The following CFAP251 variants were observed in gnomAD, a reference collection of about 807,000 sequenced individuals.
CFAP251 encodes cilia and flagella associated protein 251, also known as cilia- and flagella-associated protein 251.
CFAP251 carries 93 observed loss-of-function variants against 126.7 expected under a neutral mutation model. The observed-to-expected ratio is 0.73, with a 90% confidence interval of 0.62 to 0.87. CFAP251 has a LOEUF of 0.87. Among genes scored for constraint, CFAP251 ranks in the 40% least tolerant of loss-of-function variants. The pLI is 0.00. For missense variants in CFAP251, 1,287 were observed against 1,389.2 expected (o/e 0.93, Z 1.17); for synonymous variants, 503 against 506.9 (o/e 0.99, Z 0.10).
chr12:121,939,922 C>T (rs148079707), intron 5 of CFAP251, among the ~76,000 whole-genome samples: 127 of 152,272 alleles, frequency 8.3e-4, no homozygotes, highest in African/African-American at 2.9e-3. Context: ...TGTAAAACTG[C>T]ATTTCAATAT....
chr12:121,974,424 G>A lies in CFAP251; in HGVS notation c.2772-820G>A, dbSNP rs1252884867. 6.6e-6 allele frequency among the ~76,000 whole-genome samples: 1 copy of A among 152,120 alleles called. No homozygotes were observed. The highest frequency in any genetic ancestry group is 2.4e-5 in the African/African-American group (1 of 41,414). On this transcript the variant is annotated intron_variant, in intron 17 of 21. Transcript: ENST00000288912. This position sits in a 1 kb window ranked among gnomAD's most constrained non-coding sequence, Gnocchi z 4.6. The stretch of plus-strand genomic sequence containing the variant: ...TGAGGCAGAATCGTCTCATTTTATA[G>A]TGGAGGACACTGATGCCAGGGGGGT...
chr12:121,969,553 A>C, intron 17 of CFAP251: 1 of 926,614 alleles, frequency 1.1e-6, no homozygotes. Context: ...AGGTGTGATC[A>C]TGGCTCACTG....
intron 19 of CFAP251, among the ~76,000 whole-genome samples, chr12:121,991,956 G>A (rs893924520): frequency 3.3e-5 from 5 of 152,124 alleles, no homozygotes; most frequent in African/African-American, 1.2e-4. Context: ...TCACGCCACT[G>A]GACTCCTGCC....
chr12:121,964,140 C>A lies in CFAP251; in HGVS notation c.2492+1978C>A, dbSNP rs567386379. ...AGGTCCTCAAAAGGCCAGGACCACCCGGGATTTGTTGTTGTTGTTGTTGTT... is the reference window on the plus strand; with the variant it reads ...AGGTCCTCAAAAGGCCAGGACCACCAGGGATTTGTTGTTGTTGTTGTTGTT... On this transcript the variant is annotated intron_variant, in intron 15 of 21. Coordinates refer to ENST00000288912, the MANE Select transcript of CFAP251 (RefSeq NM_144668.6). Among the ~76,000 whole-genome samples, 5 of 107,706 alleles carry A rather than the reference C, an allele frequency of 4.6e-5. No homozygotes were observed. The East Asian group carries it at 1.1e-3, about 23-fold the overall frequency. The allele number at this position is 107,706 out of a possible 152,430, so 70.7% of individuals were successfully genotyped here.
At chr12:121,937,167 G>A (rs1880927971) in intron 5 of CFAP251, among the ~76,000 whole-genome samples, 2 of 152,228 alleles carry the variant, frequency 1.3e-5, no homozygotes, top group Non-Finnish European at 2.9e-5. Context: ...GTGTCGGCAG[G>A]GTTGGCTGCT....
At chr12:121,990,727 C>G (rs745867804) in intron 19 of CFAP251, among the ~76,000 whole-genome samples, 1 of 152,176 alleles carries the variant, frequency 6.6e-6, no homozygotes, top group Non-Finnish European at 1.5e-5. Context: ...AAAAATACAT[C>G]AGTATTTTTA....
intron 8 of CFAP251, chr12:121,951,200 G>A (rs939356340): frequency 8.1e-6 from 2 of 246,680 alleles, no homozygotes; most frequent in African/African-American, 2.2e-5. Context: ...CAGGCTGGGC[G>A]ATAGATGTGT....
At chr12:121,951,341 G>A in intron 8 of CFAP251, 139 bp from the exon 9 acceptor site, 1 of 479,808 alleles carries the variant, frequency 2.1e-6, no homozygotes. Flanking sequence ...TATTTCCCAA[G>A]ACAGCAAGTT....
Position 121,923,873 on chromosome 12 carries a change from A to G in CFAP251, c.630A>G (p.Gln210=). 1 of 1,614,204 alleles carries G rather than the reference A, an allele frequency of 6.2e-7. No homozygotes were observed. Among genetic ancestry groups the G allele is most frequent in the Non-Finnish European group, 8.5e-7 (1 of 1,180,046 alleles). Residue 210 remains glutamine, a synonymous_variant, in exon 3 of 22, where the codon CAA becomes CAG. Coordinates refer to ENST00000288912, the MANE Select transcript of CFAP251 (RefSeq NM_144668.6). ...DLEPENREEG[Q]ERRVSDIQSK... ...AGCCAGAAAACAGAGAGGAGGGACA[A>G]GAAAGGAGAGTATCCGACATCCAGT...
At chr12:121,959,134 A>T in intron 13 of CFAP251, 40 bp downstream of exon 13, 1 of 1,537,462 alleles carries the variant, frequency 6.5e-7, no homozygotes, top group Non-Finnish European at 8.7e-7. Context: ...TGGCTTAGCA[A>T]TTTTATTTGA....
chr12:121,962,277 T>A, intron 15 of CFAP251, 115 bp downstream of exon 15: 1 of 954,526 alleles, frequency 1.0e-6, no homozygotes, highest in Non-Finnish European at 1.6e-6. Context: ...TATCATCCTC[T>A]TTGCTTTGCA....
intron 19 of CFAP251, among the ~76,000 whole-genome samples, chr12:121,996,568 G>A (rs1020532421): frequency 2.6e-5 from 4 of 152,132 alleles, no homozygotes; most frequent in Admixed American, 6.5e-5. Flanking sequence ...AACTGGCCCC[G>A]CATTTCCACT....
chr12:121,988,209 ATTTTC>A (rs1228295648), intron 19 of CFAP251, among the ~76,000 whole-genome samples: 1 of 151,904 alleles, frequency 6.6e-6, no homozygotes, highest in East Asian at 1.9e-4. Context: ...CATATTATTT[ATTTTC>A]TTTTCTTAAA....
chr12:121,925,104 C>G (rs1388158978), intron 3 of CFAP251, among the ~76,000 whole-genome samples: 1 of 152,002 alleles, frequency 6.6e-6, no homozygotes, highest in Non-Finnish European at 1.5e-5. Flanking sequence ...ACCTCTTCTG[C>G]CTTTATCTTT....
intron 10 of CFAP251, among the ~76,000 whole-genome samples, chr12:121,956,114 G>A (rs1565912066): frequency 6.6e-6 from 1 of 152,182 alleles, no homozygotes; most frequent in Admixed American, 6.5e-5. Context: ...TGGATCCAAG[G>A]ACTGGAAATG....
intron 5 of CFAP251, among the ~76,000 whole-genome samples, chr12:121,935,854 C>T (rs958267158): frequency 6.6e-6 from 1 of 152,210 alleles, no homozygotes; most frequent in Non-Finnish European, 1.5e-5. Flanking sequence ...ACTCACTCTC[C>T]TCCTTCCCCG....
At position 121,981,571 on chromosome 12, in the gene CFAP251, T is replaced by G. The variant is rs1398924297; in HGVS notation, c.3006+5886T>G. ...GAAGCAAGTTCCAGGCACCCTTGCC[T>G]CACAAGGAGGCCTTTCAAACCCAGG... is the stretch of plus-strand genomic sequence containing the variant. On this transcript the variant is annotated intron_variant, in intron 19 of 21. Transcript: ENST00000288912. 2.0e-5 allele frequency among the ~76,000 whole-genome samples: 3 copies of G among 152,312 alleles called. No individual in the cohort carries two copies. In the East Asian group the frequency reaches 5.8e-4, roughly 29 times the overall value.
Position 121,957,056 on chromosome 12 carries a change from T to C in CFAP251, c.1536-18T>C. The C allele has an allele frequency of 6.4e-7, 1 of 1,560,970 alleles. No homozygotes were observed. The highest frequency in any genetic ancestry group is 8.7e-7 in the Non-Finnish European group (1 of 1,153,678). ...TTATTATTGCTATTTGCAAAACTGATGTTATTCTCCATTTCAGCTACATTG... is the reference window on the plus strand; with the variant it reads ...TTATTATTGCTATTTGCAAAACTGACGTTATTCTCCATTTCAGCTACATTG... On this transcript the variant is annotated intron_variant, in intron 10 of 21. Transcript: ENST00000288912.
Position 121,921,331 on chromosome 12 carries a change from G to A in CFAP251, c.26G>A (p.Arg9Gln), listed in dbSNP as rs766750229. Residue 9 changes from arginine to glutamine, a missense_variant, in exon 2 of 22, where the codon CGA becomes CAA. Coordinates refer to ENST00000288912, the MANE Select transcript of CFAP251 (RefSeq NM_144668.6). MSDAAEAPREATGENGETE... is the reference protein window; with the variant it reads MSDAAEAPQEATGENGETE... Reference sequence around the variant, plus strand: ...ATGTCAGATGCAGCAGAAGCTCCCCGAGAAGCAACAGGAGAAAATGGAGAA... The same window carrying A: ...ATGTCAGATGCAGCAGAAGCTCCCCAAGAAGCAACAGGAGAAAATGGAGAA... 15 of 1,598,702 alleles carry A rather than the reference G, an allele frequency of 9.4e-6. 1 individual carries two copies. The highest frequency in any genetic ancestry group is 4.5e-5 in the South Asian group (4 of 88,848).
Sources: allele counts gnomAD v4.1 joint callset (sites outside exome capture counted in the v4.1 genomes callset), GRCh38; gene constraint gnomAD v4.1.1; non-coding constraint Gnocchi (gnomAD v3.1); transcripts MANE v1.5; gene names NCBI Gene and HGNC (gene_info 2026-07-23, HGNC 2026-07-21).